FNDC7: variants seen among roughly 807,000 people sequenced by gnomAD.
FNDC7 encodes fibronectin type III domain containing 7.
A neutral mutation model predicts 74.2 loss-of-function variants in FNDC7; 66 were observed. The ratio of observed to expected loss-of-function variants is 0.89; its 90% CI spans 0.73 to 1.09. The LOEUF is 1.09. Among genes scored for constraint, FNDC7 ranks in the 50% least tolerant of loss-of-function variants. FNDC7 has a pLI of 0.00. For synonymous variants in FNDC7, 307 were observed against 330.2 expected (o/e 0.93, Z 0.76); for missense variants, 829 against 893.4 (o/e 0.93, Z 0.92).
chr1:108,730,544 T>C (rs751769939), intron 8 of FNDC7, 130 bp from the exon 9 acceptor site: 17 of 1,058,256 alleles, frequency 1.6e-5, no homozygotes, highest in Non-Finnish European at 2.2e-5. Flanking sequence ...AAATTTTTTA[T>C]TAACAATGGA....
chr1:108,741,963 C>G lies in FNDC7; in HGVS notation c.*76C>G, dbSNP rs1661659923. ...GTTAGTGATTAGAGATGGAAAAGAT[C>G]TACTAGAATGTAGAATAAAAATGCC... On this transcript the variant is annotated 3_prime_UTR_variant, in exon 13 of 13. Coordinates refer to ENST00000370017, the MANE Select transcript of FNDC7 (RefSeq NM_001144937.3). 1.4e-6 allele frequency: 1 copy of G among 736,660 alleles called. No homozygotes were observed. Among genetic ancestry groups the G allele is most frequent in the South Asian group, 1.8e-5 (1 of 55,812 alleles). 45.6% of individuals were successfully genotyped at this position (736,660 alleles called of 1,614,324 possible).
In FNDC7 at chr1:108,725,957, A is replaced by C. The variant is rs1186140863; in HGVS notation, c.1064A>C (p.Asn355Thr). 6.8e-6 allele frequency: 11 copies of C among 1,614,008 alleles called. No homozygotes were observed. Among genetic ancestry groups the C allele is most frequent in the Non-Finnish European group, 9.3e-6 (11 of 1,179,988 alleles). ...FTYFISVFVYNKAGQSPLGDI... is the reference protein window; with the variant it reads ...FTYFISVFVYTKAGQSPLGDI... ...TATTTTATTAGTGTTTTTGTCTATA[A>C]CAAGGCAGGGCAAAGTCCTTTGGGT... Residue 355 changes from asparagine (N) to threonine (T), a missense_variant, in exon 6 of 13, where the codon AAC becomes ACC. Transcript: ENST00000370017.
intron 2 of FNDC7, among the ~76,000 whole-genome samples, chr1:108,716,055 C>A (rs1479995839): frequency 6.6e-6 from 1 of 152,132 alleles, no homozygotes; most frequent in Non-Finnish European, 1.5e-5. Flanking sequence ...CCATGACAGG[C>A]CTGTGGGGAG....
chr1:108,728,049 C>G lies in FNDC7; in HGVS notation c.1353C>G (p.Pro451=), dbSNP rs61740850. 1.3e-4 allele frequency: 204 copies of G among 1,613,798 alleles called. No homozygotes were observed. The African/African-American group carries it at 2.5e-3, about 20-fold the overall frequency. ...GAGGCAGCAATATGTCATGTACTCCCCAGTTCATAACCACAGGTAAGGCAC... is the reference window on the plus strand; with the variant it reads ...GAGGCAGCAATATGTCATGTACTCCGCAGTTCATAACCACAGGTAAGGCAC... ...EVRGSNMSCT[P]QFITTAPCSP... The change falls in exon 7 of 13, where the codon CCC becomes CCG. Residue 451 remains proline (P), a synonymous_variant. Transcript: ENST00000370017.
intron 2 of FNDC7, among the ~76,000 whole-genome samples, chr1:108,714,838 C>T (rs1436694987): frequency 6.6e-6 from 1 of 151,968 alleles, no homozygotes; most frequent in African/African-American, 2.4e-5. Flanking sequence ...CATGATCCGC[C>T]CGCCTCGGCC....
Position 108,730,811 on chromosome 1 carries a change from C to T in FNDC7, c.1762C>T (p.His588Tyr), listed in dbSNP as rs201500218. 3 of 1,614,130 alleles carry T rather than the reference C, an allele frequency of 1.9e-6. No homozygotes were observed. Among genetic ancestry groups the T allele is most frequent in the Middle Eastern group, 1.6e-4 (1 of 6,062 alleles). The change falls in exon 9 of 13, where the codon CAT becomes TAT. Residue 588 changes from histidine (H) to tyrosine (Y), a missense_variant. Physicochemically the swap from His to Tyr is moderately conservative, Grantham distance 83. Transcript: ENST00000370017. The stretch of plus-strand genomic sequence containing the variant: ...CACTGGACAGTCTAAGTGTCACACT[C>T]ATCAAAACCACTGCCTCCTAGGATG... ...SHTGQSKCHT[H>Y]QNHCLLGCIT...
rs138526379 is a variant in FNDC7, at chr1:108,732,637, C to G, written c.1880-635C>G. On this transcript the variant is annotated intron_variant, in intron 9 of 12. Transcript: ENST00000370017. ...CCAATTTTTGGACCTTTCTGACTCA[C>G]CATTGTTCTGTATTAAAAATTCATA... Among the ~76,000 whole-genome samples the G allele has an allele frequency of 2.5e-3, 384 of 152,308 alleles. 5 individuals carry two copies. The highest frequency in any genetic ancestry group is 8.6e-3 in the African/African-American group (358 of 41,572).
intron 2 of FNDC7, among the ~76,000 whole-genome samples, chr1:108,716,196 C>A (rs1179492649): frequency 6.6e-6 from 1 of 152,036 alleles, no homozygotes; most frequent in East Asian, 1.9e-4. Flanking sequence ...ATGAACAGAA[C>A]TGGTAACATA....
Position 108,730,875 on chromosome 1 carries a change from C to A in FNDC7, c.1826C>A (p.Ala609Glu), listed in dbSNP as rs769428547. 7 of 1,613,852 alleles carry A rather than the reference C, an allele frequency of 4.3e-6. No individual in the cohort carries two copies. In the South Asian group the frequency reaches 4.4e-5, roughly 10 times the overall value. The part of the protein sequence containing the change: ...CGINYTVTLK[A>E]ISATGLTADC... Reference sequence around the variant, plus strand: ...ATCAATTACACAGTGACATTAAAAGCAATTAGTGCCACCGGGTTGACTGCA... The same window carrying A: ...ATCAATTACACAGTGACATTAAAAGAAATTAGTGCCACCGGGTTGACTGCA... Residue 609 changes from alanine (A) to glutamate (E), a missense_variant, in exon 9 of 13, where the codon GCA (alanine) becomes GAA (glutamate). Physicochemically the swap from Ala to Glu is moderately radical, Grantham distance 107. Transcript: ENST00000370017.
intron 2 of FNDC7, 114 bp downstream of exon 2, chr1:108,713,643 T>C: frequency 2.1e-6 from 2 of 932,664 alleles, no homozygotes; most frequent in African/African-American, 3.3e-5. Flanking sequence ...AAATTCAATA[T>C]TTTCTGAGCA....
chr1:108,728,514 G>A (rs1232949067), intron 7 of FNDC7, 118 bp from the exon 8 acceptor site: 28 of 1,206,864 alleles, frequency 2.3e-5, no homozygotes, highest in Non-Finnish European at 3.2e-5. Flanking sequence ...TGGCCCGCAT[G>A]CATGACGTGG....
chr1:108,717,055 C>T (rs1244009871), intron 2 of FNDC7, among the ~76,000 whole-genome samples: 2 of 152,164 alleles, frequency 1.3e-5, no homozygotes, highest in African/African-American at 4.8e-5. Context: ...ATTCATATCT[C>T]CTGGCAAACC....
rs572093742 is a variant in FNDC7 at position 108,737,524 on chromosome 1, G to C, written c.2170G>C (p.Val724Leu). The C allele has an allele frequency of 1.3e-6, 2 of 1,589,012 alleles. No individual in the cohort carries two copies. The highest frequency in any genetic ancestry group is 3.8e-5 in the Admixed American group (2 of 52,954). ...VTCSGSTLGM[V>L]IYRGKRNEE ...TTGCTCTGGAAGTACACTTGGAATG[G>C]GTAAGTCATTTTTCTCATGGATAAA... The change falls in exon 11 of 13, where the codon GTG (valine) becomes CTG (leucine). Residue 724 changes from valine to leucine, a missense_variant and splice_region_variant. Physicochemically the swap from Val to Leu is conservative, Grantham distance 32. Coordinates refer to ENST00000370017, the MANE Select transcript of FNDC7 (RefSeq NM_001144937.3).
intron 11 of FNDC7, among the ~76,000 whole-genome samples, chr1:108,739,418 A>T (rs1389124199): frequency 1.3e-5 from 2 of 152,124 alleles, no homozygotes; most frequent in African/African-American, 4.8e-5. Flanking sequence ...TGAGGTGAGA[A>T]GATTGCTTGA....
intron 3 of FNDC7, among the ~76,000 whole-genome samples, 198 bp downstream of exon 3, chr1:108,718,229 T>G (rs1661021318): frequency 6.6e-6 from 1 of 152,234 alleles, no homozygotes; most frequent in African/African-American, 2.4e-5. Flanking sequence ...GCCAGCTGCT[T>G]TGCTTTGGAA....
At chr1:108,738,660 C>T (rs1385885738) in intron 11 of FNDC7, among the ~76,000 whole-genome samples, 3 of 151,736 alleles carry the variant, frequency 2.0e-5, no homozygotes, top group Admixed American at 6.6e-5. Flanking sequence ...TCCCCACCCA[C>T]ACCCCCTTCC....
At chr1:108,713,479 G>C in intron 1 of FNDC7, 32 bp from the exon 2 acceptor site, 1 of 1,545,882 alleles carries the variant, frequency 6.5e-7, no homozygotes, top group Non-Finnish European at 8.8e-7. Context: ...GTTTTTCTGT[G>C]TGGTTCTAAT....
intron 2 of FNDC7, among the ~76,000 whole-genome samples, chr1:108,717,568 T>C (rs1382584995): frequency 6.6e-6 from 1 of 152,186 alleles, no homozygotes; most frequent in Admixed American, 6.5e-5. Context: ...TAAAATCCCA[T>C]CCCTGAATGA....
intron 2 of FNDC7, among the ~76,000 whole-genome samples, chr1:108,716,477 G>A (rs1041945681): frequency 3.3e-5 from 5 of 151,880 alleles, no homozygotes; most frequent in Non-Finnish European, 7.4e-5. Context: ...TGGCTATGAT[G>A]AGCAGGCCTG....
Sources: gnomAD v4.1 joint callset for allele counts (sites outside exome capture counted in the v4.1 genomes callset) on GRCh38, gnomAD v4.1.1 for gene constraint, MANE v1.5 for transcripts, NCBI Gene and HGNC (gene_info 2026-07-23, HGNC 2026-07-21) for gene names.